Variants in ZZEF1 observed in about 807,000 individuals in gnomAD.
ZZEF1 encodes zinc finger ZZ-type and EF-hand domain-containing protein 1.
Under a neutral mutation model 342.8 loss-of-function variants are expected in ZZEF1, and 157 were observed. The ratio of observed to expected loss-of-function variants is 0.46; its 90% CI spans 0.40 to 0.52. The LOEUF (loss-of-function observed/expected upper bound fraction) is 0.52, where lower values mean the gene tolerates loss of function less well. Among genes scored for constraint, ZZEF1 ranks in the 20% least tolerant of loss-of-function variants. ZZEF1 has a pLI of 0.00. For missense variants in ZZEF1, 3,480 were observed against 3,725.6 expected (o/e 0.93, Z 1.72); for synonymous variants, 1,505 against 1,429.1 (o/e 1.05, Z -1.20).
At chr17:4,085,875 C>T in intron 15 of ZZEF1, 72 bp from the exon 16 acceptor site, 1 of 1,570,820 alleles carries the variant, frequency 6.4e-7, no homozygotes. Flanking sequence ...TATAACTAGC[C>T]TATAAATTCA....
intron 6 of ZZEF1, among the ~76,000 whole-genome samples, chr17:4,107,063 A>G (rs2058224203): frequency 6.6e-6 from 1 of 152,254 alleles, no homozygotes; most frequent in Non-Finnish European, 1.5e-5. Context: ...CACAAGTAGC[A>G]TGCGATCATT....
At chr17:4,022,392 T>C (rs898371970) in intron 44 of ZZEF1, 3 of 229,688 alleles carry the variant, frequency 1.3e-5, no homozygotes, top group African/African-American at 6.8e-5. Context: ...TGATTTTGGC[T>C]GAAAGCAACT....
intron 26 of ZZEF1, among the ~76,000 whole-genome samples, chr17:4,068,591 C>A (rs1052365756): frequency 1.3e-5 from 2 of 151,900 alleles, no homozygotes; most frequent in Non-Finnish European, 2.9e-5. Context: ...CCCAGCCTAA[C>A]AAAAAAAATT....
At chr17:4,110,813 C>T (rs2058283922) in intron 5 of ZZEF1, among the ~76,000 whole-genome samples, 1 of 148,718 alleles carries the variant, frequency 6.7e-6, no homozygotes, top group Non-Finnish European at 1.5e-5. Context: ...CTCCTGGGTT[C>T]AAGTGATTCT....
chr17:4,047,697 C>G (rs1342293812), intron 37 of ZZEF1, among the ~76,000 whole-genome samples: 1 of 149,402 alleles, frequency 6.7e-6, no homozygotes, highest in Non-Finnish European at 1.5e-5. Context: ...AATCCCAGCA[C>G]TTTGGGAGGC....
rs2055775486 is a variant in ZZEF1, at chr17:4,005,117, G to T, written c.*1773C>A. The T allele has an allele frequency of 6.6e-6, 1 of 152,370 alleles. No individual in the cohort carries two copies. The highest frequency in any genetic ancestry group is 1.5e-5 in the Non-Finnish European group (1 of 68,138). 9.4% of individuals were successfully genotyped at this position (152,370 alleles called of 1,614,324 possible). On this transcript the variant is annotated 3_prime_UTR_variant, in exon 55 of 55. Transcript: ENST00000381638. ...CCAGGTTGGCTGTGAGTCTGAGCAC[G>T]CAGCGGGGCCTCCCTCCCAAGCACT...
intron 18 of ZZEF1, among the ~76,000 whole-genome samples, chr17:4,080,819 G>C (rs968740174): frequency 6.6e-6 from 1 of 152,166 alleles, no homozygotes; most frequent in African/African-American, 2.4e-5. Flanking sequence ...TTTTCCACAG[G>C]AAGCATTATC....
At chr17:4,073,862 T>C (rs1027273721) in intron 24 of ZZEF1, among the ~76,000 whole-genome samples, 1 of 152,048 alleles carries the variant, frequency 6.6e-6, no homozygotes, top group Non-Finnish European at 1.5e-5. Flanking sequence ...GGTTGGACTA[T>C]ACCTACACCT....
intron 13 of ZZEF1, among the ~76,000 whole-genome samples, chr17:4,088,224 GAGTC>G (rs1341763121): frequency 2.6e-5 from 4 of 152,164 alleles, no homozygotes; most frequent in South Asian, 2.1e-4. Flanking sequence ...CTGACTGTAA[GAGTC>G]AGTATCAAAA....
intron 52 of ZZEF1, among the ~76,000 whole-genome samples, chr17:4,012,096 TGCG>T (rs2055976546): frequency 1.3e-5 from 2 of 152,230 alleles, no homozygotes; most frequent in African/African-American, 4.8e-5. Flanking sequence ...CTGTGCAGGC[TGCG>T]GCACAGGTCT....
chr17:4,072,886 C>G (rs372899724), intron 24 of ZZEF1, 130 bp from the exon 25 acceptor site: 1 of 921,746 alleles, frequency 1.1e-6, no homozygotes, highest in Non-Finnish European at 1.6e-6. Flanking sequence ...TACCCACATA[C>G]CAGAATGTAA....
At chr17:4,072,454 CGTTAACAA>C (rs967054140) in intron 25 of ZZEF1, among the ~76,000 whole-genome samples, 146 bp downstream of exon 25, 7 of 152,278 alleles carry the variant, frequency 4.6e-5, no homozygotes, top group Admixed American at 2.0e-4. Context: ...GACACGGTGG[CGTTAACAA>C]GTTAACAAGG....
intron 39 of ZZEF1, among the ~76,000 whole-genome samples, chr17:4,040,660 CA>C (rs1567785735): frequency 6.6e-6 from 1 of 151,854 alleles, no homozygotes; most frequent in East Asian, 1.9e-4. Context: ...TGAATGATTA[CA>C]AAAAAAGGAG....
Position 4,063,754 on chromosome 17 carries a change from G to C in ZZEF1, c.4718+607C>G, listed in dbSNP as rs547006681. On this transcript the variant is annotated intron_variant, in intron 29 of 54. Coordinates refer to ENST00000381638, the MANE Select transcript of ZZEF1 (RefSeq NM_015113.4). The stretch of plus-strand genomic sequence containing the variant: ...TTTTTTTTTTTTTTTTTGAGACAGA[G>C]TCTTGCTCTGTCGCCCAGGTTGGAG... 6.4e-4 allele frequency among the ~76,000 whole-genome samples: 92 copies of C among 144,868 alleles called. 1 individual carries two copies. In the South Asian group the frequency reaches 0.019, roughly 30 times the overall value.
Position 4,009,702 on chromosome 17 carries a change from C to T in ZZEF1, c.8635G>A (p.Glu2879Lys), listed in dbSNP as rs1413847391. ...GTCACGTCCTCAAACAGGCCGTACT[C>T]CATGTGGGTAAAGAGCTGCCACAGG... ...KPLWQLFTHMEYGLFEDVTQP... is the reference protein window; with the variant it reads ...KPLWQLFTHMKYGLFEDVTQP... Residue 2879 changes from glutamate to lysine, a missense_variant, in exon 53 of 55, where the codon GAG (glutamate) becomes AAG (lysine). By Grantham distance (56) the Glu-to-Lys change is moderately conservative (BLOSUM62 1). This residue lies in a region of ZZEF1 where 1,269 missense variants were observed against 1,342.4 expected (regional missense o/e 0.95). Transcript: ENST00000381638. 28 of 1,614,126 alleles carry T rather than the reference C, an allele frequency of 1.7e-5. No individual in the cohort carries two copies. The highest frequency in any genetic ancestry group is 2.4e-5 in the Non-Finnish European group (28 of 1,180,018).
intron 9 of ZZEF1, among the ~76,000 whole-genome samples, chr17:4,097,635 ACTGTGTTCTGTGGAAATGTTG>A (rs2058060270): frequency 6.6e-6 from 1 of 151,608 alleles, no homozygotes; most frequent in Non-Finnish European, 1.5e-5. Context: ...AGAACTAAAC[ACTGTGTTCTGTGGAAATGTTG>A]CTGATTATTC....
chr17:4,123,234 T>C (rs1489726663), intron 2 of ZZEF1, among the ~76,000 whole-genome samples: 1 of 141,936 alleles, frequency 7.0e-6, no homozygotes, highest in African/African-American at 2.5e-5. Flanking sequence ...CTCTTCTTAT[T>C]ATGCCTAATT....
Position 4,007,590 on chromosome 17 carries a change from T to G in ZZEF1, c.8806-620A>C, listed in dbSNP as rs535798777. ...GGACCCGCCCACAGGCAAGCCGCCA[T>G]GCTGAGCTTTGGGGCCAGGACGGGC... On this transcript the variant is annotated intron_variant, in intron 54 of 54. Coordinates refer to ENST00000381638, the MANE Select transcript of ZZEF1 (RefSeq NM_015113.4). Among the ~76,000 whole-genome samples the G allele has an allele frequency of 6.6e-5, 10 of 152,272 alleles. No individual in the cohort carries two copies. The South Asian group carries it at 1.0e-3, about 16-fold the overall frequency.
chr17:4,118,935 A>G (rs2058440884), intron 2 of ZZEF1, among the ~76,000 whole-genome samples: 1 of 152,200 alleles, frequency 6.6e-6, no homozygotes, highest in South Asian at 2.1e-4. Flanking sequence ...CATCAGTGTC[A>G]TGTACCAGTG....
Sources: gnomAD v4.1 joint callset for allele counts (sites outside exome capture counted in the v4.1 genomes callset) on GRCh38, gnomAD v4.1.1 for gene constraint, gnomAD v4.1.1 regional missense constraint, MANE v1.5 for transcripts, NCBI Gene and HGNC (gene_info 2026-07-23, HGNC 2026-07-21) for gene names.